YLPM1: variants seen among roughly 807,000 people sequenced by gnomAD.
The protein encoded by YLPM1 is YLP motif containing 1.
Under a neutral mutation model 230.0 loss-of-function variants are expected in YLPM1, and 99 were observed. That is an observed-to-expected ratio of 0.43 (90% CI 0.37 to 0.51). The LOEUF is 0.51. Ranked by LOEUF, YLPM1 falls within the 20% of genes least tolerant of loss-of-function variation. The pLI is 0.00. For missense variants in YLPM1, 2,592 were observed against 2,707.7 expected, an observed-to-expected ratio of 0.96 and a Z score of 0.95; for synonymous variants, 984 against 942.5, an observed-to-expected ratio of 1.04 and a Z score of -0.81.
intron 6 of YLPM1, among the ~76,000 whole-genome samples, chr14:74,804,248 G>T (rs901894734): frequency 3.3e-5 from 5 of 152,164 alleles, no homozygotes; most frequent in Admixed American, 6.5e-5. Context: ...CTCCACTTCA[G>T]GCAGCGTCGA....
chr14:74,815,699 T>A (rs1270333203), intron 11 of YLPM1, among the ~76,000 whole-genome samples: 2 of 152,374 alleles, frequency 1.3e-5, no homozygotes, highest in South Asian at 4.1e-4. Context: ...CTCTGTTTCT[T>A]TAGTTTGCTC....
At chr14:74,827,930 T>C (rs1363235408) in intron 18 of YLPM1, 1 of 985,314 alleles carries the variant, frequency 1.0e-6, no homozygotes, top group East Asian at 1.1e-4. Flanking sequence ...CCATACATGT[T>C]AAAATTTTGC....
chr14:74,789,008 C>A (rs1171764874), intron 4 of YLPM1, among the ~76,000 whole-genome samples: 1 of 152,090 alleles, frequency 6.6e-6, no homozygotes, highest in African/African-American at 2.4e-5. Context: ...CAGTTCACCC[C>A]AACACCATTT....
In YLPM1 at chr14:74,798,140, C is replaced by G; in HGVS notation, c.2843C>G (p.Ala948Gly). ...AQAVTQPVPL[A>G]NKPVPAQSTF... is the part of the protein sequence containing the mutation. ...GCTGTTACTCAGCCTGTACCCCTTG[C>G]GAATAAGCCTGTACCTGCTCAATCT... Residue 948 changes from alanine to glycine, a missense_variant, in exon 5 of 21, where the codon GCG (alanine) becomes GGG (glycine). Ala to Gly is a moderately conservative substitution (Grantham distance 60). Transcript: ENST00000325680. 2 of 1,613,918 alleles carry G rather than the reference C, an allele frequency of 1.2e-6. No homozygotes were observed. The highest frequency in any genetic ancestry group is 2.2e-5 in the South Asian group (2 of 91,076).
In YLPM1 at chr14:74,772,217, CTT is replaced by C. The variant is rs543491337; in HGVS notation, c.874-6215_874-6214del. Among the ~76,000 whole-genome samples the C allele has an allele frequency of 4.3e-4, 60 of 138,756 alleles. 1 individual carries two copies. The highest frequency in any genetic ancestry group is 1.6e-3 in the Admixed American group (22 of 13,820). The allele number at this position is 138,756 out of a possible 152,430, so 91.0% of individuals were successfully genotyped here. Reference sequence around the variant, plus strand: ...TGAGTAAATTAAAATCAACATCTTTCTTTTTTTTTTTTTTTTCTCAGAGAGAT... The same window carrying C: ...TGAGTAAATTAAAATCAACATCTTTCTTTTTTTTTTTTTTCTCAGAGAGAT... On this transcript the variant is annotated intron_variant, in intron 1 of 20. Coordinates refer to ENST00000325680, the MANE Select transcript of YLPM1 (RefSeq NM_019589.3).
intron 4 of YLPM1, among the ~76,000 whole-genome samples, chr14:74,789,150 T>A (rs1381919541): frequency 6.6e-6 from 1 of 152,236 alleles, no homozygotes; most frequent in Admixed American, 6.5e-5. Context: ...TTTTAATTAC[T>A]GTAGCTTTAC....
intron 4 of YLPM1, among the ~76,000 whole-genome samples, chr14:74,789,267 C>G (rs1202662182): frequency 6.6e-6 from 1 of 152,092 alleles, no homozygotes; most frequent in African/African-American, 2.4e-5. Flanking sequence ...AGTCTGTCAC[C>G]CAGGCTGGAG....
intron 15 of YLPM1, 139 bp downstream of exon 15, chr14:74,817,416 T>C: frequency 1.2e-6 from 1 of 817,478 alleles, no homozygotes; most frequent in East Asian, 2.8e-5. Flanking sequence ...TTTAGATATG[T>C]TTAAGTACAC....
At chr14:74,778,285 G>C (rs1024637618) in intron 1 of YLPM1, among the ~76,000 whole-genome samples, 162 bp from the exon 2 acceptor site, 2 of 152,174 alleles carry the variant, frequency 1.3e-5, no homozygotes, top group Non-Finnish European at 2.9e-5. Context: ...TCTGTAGCCT[G>C]TGTTTAAGAT....
intron 10 of YLPM1, among the ~76,000 whole-genome samples, 181 bp downstream of exon 10, chr14:74,811,919 A>T (rs897988287): frequency 6.6e-6 from 1 of 152,244 alleles, no homozygotes; most frequent in Non-Finnish European, 1.5e-5. Context: ...TTATTTTTAA[A>T]ACAAAGTAGA....
chr14:74,763,396 C>T lies in YLPM1; in HGVS notation c.-94C>T, dbSNP rs1006951500. The T allele has an allele frequency of 2.2e-6, 3 of 1,369,070 alleles. No individual in the cohort carries two copies. The highest frequency in any genetic ancestry group is 1.5e-5 in the African/African-American group (1 of 66,270). 84.8% of individuals were successfully genotyped at this position (1,369,070 alleles called of 1,614,324 possible). A position where few individuals can be genotyped will look rare whatever the true frequency, so the allele number is the denominator to read the frequency against. On this transcript the variant is annotated 5_prime_UTR_variant, in exon 1 of 21. Transcript: ENST00000325680. ...CACGCTCCGGGGCCTGTAGGCGCCG[C>T]GAGTTCCGGCTGTCGCCGTCGCCGC...
chr14:74,794,238 A>T (rs1182581989), intron 4 of YLPM1, among the ~76,000 whole-genome samples: 2 of 151,902 alleles, frequency 1.3e-5, no homozygotes, highest in African/African-American at 4.8e-5. Flanking sequence ...GCTGGAGTGC[A>T]GTGGCACCAC....
Position 74,811,714 on chromosome 14 carries a change from T to A in YLPM1, c.5323T>A (p.Tyr1775Asn). Residue 1775 changes from tyrosine (Y) to asparagine (N), a missense_variant, in exon 10 of 21, where the codon TAT becomes AAT. Physicochemically the swap from Tyr to Asn is moderately radical, Grantham distance 143. Around this residue, in one of 4 missense-constraint regions of YLPM1, gnomAD observed 403 missense variants for 426.7 expected, o/e 0.94. Transcript: ENST00000325680. ...SYDRKSDRPV[Y>N]EGPSMFGGER... is the part of the protein sequence containing the mutation. ...TGACCGGAAGTCTGACCGACCAGTC[T>A]ATGAAGGACCATCCATGTTTGGAGG... 1 of 1,603,584 alleles carries A rather than the reference T, an allele frequency of 6.2e-7. No homozygotes were observed.
At chr14:74,826,768 T>C (rs2140143044) in intron 18 of YLPM1, among the ~76,000 whole-genome samples, 1 of 152,342 alleles carries the variant, frequency 6.6e-6, no homozygotes, top group East Asian at 1.9e-4. Context: ...ACCAGACTGG[T>C]TCTTCCCTGC....
intron 19 of YLPM1, 103 bp from the exon 20 acceptor site, chr14:74,835,162 G>A: frequency 1.4e-6 from 2 of 1,424,386 alleles, no homozygotes; most frequent in South Asian, 1.5e-5. Context: ...TAAACTTGCG[G>A]TTTCAAATGA....
In YLPM1 at chr14:74,781,993, A is replaced by G; in HGVS notation, c.1950A>G (p.Pro650=). The G allele has an allele frequency of 6.2e-7, 1 of 1,613,804 alleles. No individual in the cohort carries two copies. The highest frequency in any genetic ancestry group is 8.5e-7 in the Non-Finnish European group (1 of 1,179,800). ...QGIPPQLTAA[P]VPPASSSQSS... is the part of the protein sequence containing the mutation. ...TACCTCCTCAGTTAACAGCAGCCCC[A>G]GTTCCACCAGCCTCCAGTTCACAGA... Residue 650 remains proline (P), a synonymous_variant, in exon 4 of 21, where the codon CCA becomes CCG. Coordinates refer to ENST00000325680, the MANE Select transcript of YLPM1 (RefSeq NM_019589.3).
At chr14:74,793,597 T>C (rs879883479) in intron 4 of YLPM1, among the ~76,000 whole-genome samples, 1 of 152,224 alleles carries the variant, frequency 6.6e-6, no homozygotes, top group Non-Finnish European at 1.5e-5. Flanking sequence ...TATTTATCTT[T>C]AGTTTTTCTT....
rs550838771 is a variant in YLPM1 at position 74,829,194 on chromosome 14, C to T, written c.6164-19C>T. 6.2e-7 allele frequency: 1 copy of T among 1,612,362 alleles called. No individual in the cohort carries two copies. Among genetic ancestry groups the T allele is most frequent in the East Asian group, 2.2e-5 (1 of 44,844 alleles). ...CTCACACTCTTCCTTAATGCTACGG[C>T]TCTGTGTTTGTCCCTCAGACAAGTT... On this transcript the variant is annotated intron_variant, in intron 18 of 20. Transcript: ENST00000325680.
chr14:74,775,834 T>C (rs944976175), intron 1 of YLPM1, among the ~76,000 whole-genome samples: 4 of 152,232 alleles, frequency 2.6e-5, no homozygotes, highest in African/African-American at 9.6e-5. Flanking sequence ...CAACCTTTGG[T>C]ATTCAGGCCA....
Sources: allele counts gnomAD v4.1 joint callset (sites outside exome capture counted in the v4.1 genomes callset), GRCh38; gene constraint gnomAD v4.1.1; regional missense constraint gnomAD v4.1.1; transcripts MANE v1.5; gene names NCBI Gene and HGNC (gene_info 2026-07-23, HGNC 2026-07-21).